The following NOVA1 variants were observed in gnomAD, a reference collection of about 807,000 sequenced individuals.
NOVA1 encodes the protein RNA-binding protein Nova-1.
NOVA1 carries 7 observed loss-of-function variants against 38.0 expected under a neutral mutation model. The observed-to-expected ratio is 0.18, with a 90% confidence interval of 0.10 to 0.35. NOVA1 has a LOEUF of 0.35. NOVA1 is among the 10% of genes least tolerant of loss of function. The probability of loss-of-function intolerance (pLI) is 1.00; values close to 1 mark genes in which losing one functional copy is unlikely to be tolerated. For missense variants in NOVA1, 460 were observed against 616.0 expected (o/e 0.75, Z 2.68); for synonymous variants, 270 against 232.5 (o/e 1.16, Z -1.47).
chr14:26,595,795 C>G lies in NOVA1; in HGVS notation c.137-242G>C, dbSNP rs80211322. On this transcript the variant is annotated intron_variant, in intron 1 of 4. Coordinates refer to ENST00000539517, the MANE Select transcript of NOVA1 (RefSeq NM_002515.3). ...CTTGGAATTAAAATATAAACATATTCTATTATTTTGCAGCACTGTAAAAAC... is the reference window on the plus strand; with the variant it reads ...CTTGGAATTAAAATATAAACATATTGTATTATTTTGCAGCACTGTAAAAAC... 1.5e-5 allele frequency: 6 copies of G among 395,826 alleles called. No individual in the cohort carries two copies. In the East Asian group the frequency reaches 2.8e-4, roughly 18 times the overall value. The allele number at this position is 395,826 out of a possible 1,614,324, so 24.5% of individuals were successfully genotyped here.
chr14:26,523,540 G>T (rs1447006244), intron 2 of NOVA1, among the ~76,000 whole-genome samples: 1 of 152,250 alleles, frequency 6.6e-6, no homozygotes, highest in Non-Finnish European at 1.5e-5. Context: ...AGATTGAGAA[G>T]CAATGTAAAG....
chr14:26,595,711 A>C, intron 1 of NOVA1, 158 bp from the exon 2 acceptor site: 1 of 570,314 alleles, frequency 1.8e-6, no homozygotes, highest in Non-Finnish European at 3.0e-6. Context: ...TAAGCCAATT[A>C]CATTGAAAAA....
chr14:26,510,330 C>T lies in NOVA1; in HGVS notation c.281-30187G>A, dbSNP rs187437423. 5.6e-3 allele frequency among the ~76,000 whole-genome samples: 845 copies of T among 151,966 alleles called. 5 individuals are homozygous for T. Among genetic ancestry groups the T allele is most frequent in the Middle Eastern group, 0.031 (9 of 294 alleles). On this transcript the variant is annotated intron_variant, in intron 2 of 4. Coordinates refer to ENST00000539517, the MANE Select transcript of NOVA1 (RefSeq NM_002515.3). ...TGGTTATTGTTTATAGAATGTTAAA[C>T]GGTAAAACAATAGAAGATAAAACTA...
At position 26,478,559 on chromosome 14, in the gene NOVA1, C is replaced by T. The variant is rs553996618; in HGVS notation, c.447+1418G>A. Among the ~76,000 whole-genome samples, 16 of 152,062 alleles carry T rather than the reference C, an allele frequency of 1.1e-4. No individual in the cohort carries two copies. In the East Asian group the frequency reaches 3.1e-3, roughly 29 times the overall value. On this transcript the variant is annotated intron_variant, in intron 3 of 4. Transcript: ENST00000539517. ...ATTTTAACCTAAGTCTTTAACTACA[C>T]TTCTACTTTTAAACTCTGATTAAAG...
chr14:26,578,373 G>A (rs2138753783), intron 2 of NOVA1, among the ~76,000 whole-genome samples: 1 of 151,952 alleles, frequency 6.6e-6, no homozygotes, highest in South Asian at 2.1e-4. Context: ...TTTTAAGTGG[G>A]AGAAAGAACA....
In NOVA1 at chr14:26,446,815, G is replaced by A. The variant is rs1396823083; in HGVS notation, c.*1144C>T. ...AAGATAAGCTGCCTCTTCTAAATAA[G>A]CATGCAGGAAATACTGTCTGGTTGG... On this transcript the variant is annotated 3_prime_UTR_variant, in exon 5 of 5. Coordinates refer to ENST00000539517, the MANE Select transcript of NOVA1 (RefSeq NM_002515.3). 1.3e-5 allele frequency: 2 copies of A among 152,598 alleles called. No individual in the cohort carries two copies. Among genetic ancestry groups the A allele is most frequent in the Admixed American group, 6.5e-5 (1 of 15,276 alleles). The allele number at this position is 152,598 out of a possible 1,614,324, so 9.5% of individuals were successfully genotyped here.
At chr14:26,578,955 C>T (rs914043687) in intron 2 of NOVA1, among the ~76,000 whole-genome samples, 6 of 151,494 alleles carry the variant, frequency 4.0e-5, no homozygotes, top group African/African-American at 9.7e-5. Flanking sequence ...AAATCCATTA[C>T]CATAAAGATG....
At chr14:26,596,561 A>G in intron 1 of NOVA1, 1 of 1,289,124 alleles carries the variant, frequency 7.8e-7, no homozygotes, top group African/African-American at 1.5e-5. Context: ...CATATGCTGG[A>G]GATAAATTCA....
intron 2 of NOVA1, among the ~76,000 whole-genome samples, chr14:26,541,915 T>G (rs1163360039): frequency 2.0e-5 from 3 of 151,774 alleles, no homozygotes; most frequent in Admixed American, 6.6e-5. Context: ...ATATATATTA[T>G]ATATTATAAT....
Position 26,524,923 on chromosome 14 carries a change from CCTT to C in NOVA1, c.281-44783_281-44781del, listed in dbSNP as rs1310979480. ...CTGGGTAGCAGTTTTGTAATTATCT[CCTT>C]ATCAGAAATACTACGGCCCAAAATG... On this transcript the variant is annotated intron_variant, in intron 2 of 4. Transcript: ENST00000539517. Among the ~76,000 whole-genome samples the C allele has an allele frequency of 2.0e-5, 3 of 152,252 alleles. No homozygotes were observed. In the East Asian group the frequency reaches 5.8e-4, roughly 29 times the overall value.
rs369552409 is a variant in NOVA1 at position 26,454,969 on chromosome 14, T to C, written c.520-6006A>G. ...TTGAACAAAGCAAATTGAAAAATGG[T>C]ATCCTTTCGATTACAGACTTCAAAT... On this transcript the variant is annotated intron_variant, in intron 4 of 4. Coordinates refer to ENST00000539517, the MANE Select transcript of NOVA1 (RefSeq NM_002515.3). Among the ~76,000 whole-genome samples the C allele has an allele frequency of 2.0e-5, 3 of 152,298 alleles. No homozygotes were observed. In the East Asian group the frequency reaches 5.8e-4, roughly 29 times the overall value.
rs12881281 is a variant in NOVA1 at position 26,597,670 on chromosome 14, G to A, written c.-234C>T. ...AGCTGCAGTGCAGTGTCAGAAAGGAGACAGGGGAATGGAGGGGGTGTGAGA... is the reference window on the plus strand; with the variant it reads ...AGCTGCAGTGCAGTGTCAGAAAGGAAACAGGGGAATGGAGGGGGTGTGAGA... On this transcript the variant is annotated 5_prime_UTR_variant, in exon 1 of 5. Coordinates refer to ENST00000539517, the MANE Select transcript of NOVA1 (RefSeq NM_002515.3). 3 of 1,195,446 alleles carry A rather than the reference G, an allele frequency of 2.5e-6. No individual in the cohort carries two copies. Among genetic ancestry groups the A allele is most frequent in the African/African-American group, 1.6e-5 (1 of 63,284 alleles). The allele number at this position is 1,195,446 out of a possible 1,614,324, so 74.1% of individuals were successfully genotyped here. A position where few individuals can be genotyped will look rare whatever the true frequency, so the allele number is the denominator to read the frequency against.
chr14:26,595,407 T>C lies in NOVA1; in HGVS notation c.280+3A>G. On this transcript the variant is annotated splice_donor_region_variant and intron_variant, in intron 2 of 4. Transcript: ENST00000539517. ...CAAACAATCTCTTCACCATTGCACC[T>C]ACCTGGGTAAAAATCTTTGGACTTA... The C allele has an allele frequency of 6.2e-7, 1 of 1,613,422 alleles. No homozygotes were observed. The highest frequency in any genetic ancestry group is 1.1e-5 in the South Asian group (1 of 90,976).
At chr14:26,527,137 G>C (rs1163378498) in intron 2 of NOVA1, among the ~76,000 whole-genome samples, 1 of 152,216 alleles carries the variant, frequency 6.6e-6, no homozygotes, top group Non-Finnish European at 1.5e-5. Flanking sequence ...ACTAGGTGAA[G>C]TCATGAGCTA....
At chr14:26,480,379 A>G (rs1459103526) in intron 2 of NOVA1, among the ~76,000 whole-genome samples, 1 of 152,172 alleles carries the variant, frequency 6.6e-6, no homozygotes, top group Non-Finnish European at 1.5e-5. Flanking sequence ...TCAGAGATCC[A>G]GAGAAGTTGT....
intron 4 of NOVA1, among the ~76,000 whole-genome samples, chr14:26,451,757 T>C (rs1009884072): frequency 4.6e-5 from 7 of 152,302 alleles, no homozygotes; most frequent in Non-Finnish European, 8.8e-5. Context: ...TTTTTGAAAA[T>C]TGAAGAATTA....
intron 2 of NOVA1, among the ~76,000 whole-genome samples, chr14:26,557,793 T>C (rs1891584770): frequency 6.6e-6 from 1 of 152,090 alleles, no homozygotes; most frequent in Admixed American, 6.6e-5. Flanking sequence ...AACATATGCC[T>C]ACACGAAAAC....
intron 2 of NOVA1, among the ~76,000 whole-genome samples, chr14:26,524,441 C>T (rs560915156): frequency 5.3e-5 from 8 of 152,074 alleles, no homozygotes; most frequent in Non-Finnish European, 1.0e-4. Context: ...ATGATATGTT[C>T]CACTAATGCT....
intron 2 of NOVA1, among the ~76,000 whole-genome samples, chr14:26,529,410 TTAC>T (rs1889540812): frequency 6.6e-6 from 1 of 152,124 alleles, no homozygotes; most frequent in Admixed American, 6.5e-5. Context: ...AGTGCTGGGA[TTAC>T]AGGCATGAGT....
Sources: allele counts gnomAD v4.1 joint callset (sites outside exome capture counted in the v4.1 genomes callset), GRCh38; gene constraint gnomAD v4.1.1; transcripts MANE v1.5; gene names NCBI Gene and HGNC (gene_info 2026-07-23, HGNC 2026-07-21).